The following FLT1 variants were observed in gnomAD, a reference collection of about 807,000 sequenced individuals.
FLT1 encodes the protein vascular endothelial growth factor receptor 1.
FLT1 carries 49 observed loss-of-function variants against 156.3 expected under a neutral mutation model. That is an observed-to-expected ratio of 0.31 (90% confidence interval 0.25 to 0.40). The LOEUF (loss-of-function observed/expected upper bound fraction) is 0.40, where lower values mean the gene tolerates loss of function less well. Ranked by LOEUF, FLT1 falls within the 10% of genes least tolerant of loss-of-function variation. The pLI, the probability that FLT1 is intolerant of heterozygous loss-of-function variation, is 1.00. For synonymous variants in FLT1, 594 were observed against 583.8 expected (o/e 1.02, Z -0.25); for missense variants, 1,322 against 1,637.2 (o/e 0.81, Z 3.32).
chr13:28,429,643 T>C (rs1877556103), intron 8 of FLT1, among the ~76,000 whole-genome samples: 1 of 152,200 alleles, frequency 6.6e-6, no homozygotes, highest in Non-Finnish European at 1.5e-5. Context: ...CCCAGCTGTA[T>C]ATAAAAGAAT....
chr13:28,308,621 G>A (rs1156957279), intron 28 of FLT1, among the ~76,000 whole-genome samples: 2 of 152,196 alleles, frequency 1.3e-5, no homozygotes, highest in African/African-American at 4.8e-5. Context: ...TTCCTACCAC[G>A]CAGGGACTTG....
intron 11 of FLT1, among the ~76,000 whole-genome samples, chr13:28,397,475 AT>A (rs1875116387): frequency 1.3e-5 from 2 of 152,190 alleles, no homozygotes; most frequent in African/African-American, 4.8e-5. Context: ...GATGCCAGTT[AT>A]AACAGGAGCC....
At chr13:28,324,921 T>A (rs1405785669) in intron 20 of FLT1, among the ~76,000 whole-genome samples, 1 of 152,254 alleles carries the variant, frequency 6.6e-6, no homozygotes, top group Non-Finnish European at 1.5e-5. Flanking sequence ...ATAAAGGTAA[T>A]TTACTGAACT....
In FLT1 at chr13:28,357,544, A is replaced by G; in HGVS notation, c.2248+10T>C. 5.0e-6 allele frequency: 8 copies of G among 1,614,068 alleles called. No homozygotes were observed. Among genetic ancestry groups the G allele is most frequent in the Non-Finnish European group, 6.8e-6 (8 of 1,179,914 alleles). ...CCAATTTCTTGTTGCTTTCTTAAGC[A>G]GCTGTTTACCTTGAACAGTGAGGTA... On this transcript the variant is annotated intron_variant, in intron 15 of 29. Transcript: ENST00000282397.
chr13:28,409,272 A>T (rs898130248), intron 10 of FLT1, among the ~76,000 whole-genome samples: 1 of 152,126 alleles, frequency 6.6e-6, no homozygotes, highest in Non-Finnish European at 1.5e-5. Context: ...CTTCTCTGTG[A>T]CCAAAGACAG....
At chr13:28,393,942 G>C (rs1874887913) in intron 12 of FLT1, among the ~76,000 whole-genome samples, 1 of 152,118 alleles carries the variant, frequency 6.6e-6, no homozygotes, top group Admixed American at 6.5e-5. Context: ...GACCAGTAAA[G>C]ATCCAAATCT....
intron 11 of FLT1, among the ~76,000 whole-genome samples, chr13:28,403,957 A>C (rs12865484): frequency 1.3e-5 from 2 of 151,854 alleles, no homozygotes; most frequent in African/African-American, 2.4e-5. Flanking sequence ...CACAGGAATC[A>C]CTTGAACCCG....
chr13:28,345,572 A>G (rs765373199), intron 15 of FLT1, 21 bp from the exon 16 acceptor site: 3 of 1,389,974 alleles, frequency 2.2e-6, no homozygotes, highest in Middle Eastern at 1.8e-4. Flanking sequence ...AAAAAATCAC[A>G]ATAGTGGTGC....
intron 10 of FLT1, among the ~76,000 whole-genome samples, chr13:28,412,447 G>T (rs1255114473): frequency 7.4e-6 from 1 of 134,872 alleles, no homozygotes; most frequent in Admixed American, 7.9e-5. Context: ...TTTGAGACGG[G>T]GTCTCACTGT....
chr13:28,457,628 A>C (rs1411396559), intron 3 of FLT1, among the ~76,000 whole-genome samples: 1 of 152,242 alleles, frequency 6.6e-6, no homozygotes, highest in Non-Finnish European at 1.5e-5. Flanking sequence ...CCATAAAGAT[A>C]AAAACAGATC....
chr13:28,351,424 TC>T (rs547217032), intron 15 of FLT1, among the ~76,000 whole-genome samples: 2 of 152,140 alleles, frequency 1.3e-5, no homozygotes, highest in South Asian at 4.1e-4. Context: ...ACTCTCAAGA[TC>T]CCCGAGCAAC....
At chr13:28,416,787 C>G (rs982914534) in intron 10 of FLT1, among the ~76,000 whole-genome samples, 12 of 152,252 alleles carry the variant, frequency 7.9e-5, no homozygotes, top group Non-Finnish European at 1.3e-4. Context: ...TTTCCTCATC[C>G]TACGTGTTCA....
intron 10 of FLT1, among the ~76,000 whole-genome samples, chr13:28,412,380 CTT>C (rs1566013115): frequency 8.5e-6 from 1 of 118,014 alleles, no homozygotes; most frequent in East Asian, 2.7e-4. Flanking sequence ...TTCTTTCTTT[CTT>C]TCTTTCTTTC....
At chr13:28,463,138 G>A (rs183576193) in intron 3 of FLT1, among the ~76,000 whole-genome samples, 10 of 152,106 alleles carry the variant, frequency 6.6e-5, no homozygotes, top group Admixed American at 6.5e-4. Flanking sequence ...TTATATTAGC[G>A]GAAATTTAAA....
intron 18 of FLT1, among the ~76,000 whole-genome samples, chr13:28,332,263 T>A (rs1871960859): frequency 6.6e-6 from 1 of 152,052 alleles, no homozygotes; most frequent in Non-Finnish European, 1.5e-5. Context: ...AGAATCTTCT[T>A]TCAAACTCAT....
chr13:28,341,649 C>T (rs1382374524), intron 16 of FLT1, among the ~76,000 whole-genome samples: 1 of 152,098 alleles, frequency 6.6e-6, no homozygotes, highest in Non-Finnish European at 1.5e-5. Context: ...AAAATGCCAT[C>T]TTTATCAATG....
chr13:28,387,610 C>G, intron 13 of FLT1: 1 of 1,064,792 alleles, frequency 9.4e-7, no homozygotes, highest in Non-Finnish European at 1.1e-6. Flanking sequence ...AAATACACAG[C>G]TTCTATCCTC....
intron 10 of FLT1, 114 bp downstream of exon 10, chr13:28,427,045 C>T (rs1877383248): frequency 1.0e-6 from 1 of 1,001,822 alleles, no homozygotes; most frequent in Non-Finnish European, 1.6e-6. Flanking sequence ...AGAGCCTTTG[C>T]CTCAAATATA....
At chr13:28,397,579 G>T (rs1485600912) in intron 11 of FLT1, among the ~76,000 whole-genome samples, 2 of 151,996 alleles carry the variant, frequency 1.3e-5, no homozygotes, top group Non-Finnish European at 2.9e-5. Flanking sequence ...AAGAAATGGG[G>T]TCTTGCTATG....
Sources: gnomAD v4.1 joint callset for allele counts (sites outside exome capture counted in the v4.1 genomes callset) on GRCh38, gnomAD v4.1.1 for gene constraint, MANE v1.5 for transcripts, NCBI Gene and HGNC (gene_info 2026-07-23, HGNC 2026-07-21) for gene names.